The following DCTN4 variants were observed in gnomAD, a reference collection of about 807,000 sequenced individuals.
The protein encoded by DCTN4 is dynactin subunit 4.
Under a neutral mutation model 62.7 loss-of-function variants are expected in DCTN4, and 23 were observed. That is an observed-to-expected ratio of 0.37 (90% confidence interval 0.26 to 0.52). The LOEUF is 0.52. DCTN4 is among the 20% of genes least tolerant of loss of function. The pLI, the probability that DCTN4 is intolerant of heterozygous loss-of-function variation, is 0.92. For missense variants in DCTN4, 514 were observed against 580.4 expected, an observed-to-expected ratio of 0.89 and a Z score of 1.18; for synonymous variants, 199 against 202.1, an observed-to-expected ratio of 0.98 and a Z score of 0.13.
intron 1 of DCTN4, chr5:150,758,207 G>A (rs1752933310): frequency 2.0e-6 from 2 of 985,548 alleles, no homozygotes; most frequent in Non-Finnish European, 2.4e-6. Flanking sequence ...TTTACTGGCC[G>A]GGGTCTTCTT....
chr5:150,758,689 C>CTT, intron 1 of DCTN4, 170 bp downstream of exon 1: 1 of 1,318,296 alleles, frequency 7.6e-7, no homozygotes, highest in Non-Finnish European at 1.0e-6. Flanking sequence ...GCTGCTCCTC[C>CTT]TTTCCAAGTG....
intron 8 of DCTN4, among the ~76,000 whole-genome samples, chr5:150,724,629 C>T (rs1760072626): frequency 6.6e-6 from 1 of 152,072 alleles, no homozygotes; most frequent in South Asian, 2.1e-4. Context: ...AGGTAGCAAC[C>T]CAATTTTATT....
At position 150,756,481 on chromosome 5, in the gene DCTN4, A is replaced by G; in HGVS notation, c.142T>C (p.Ser48Pro). The change falls in exon 2 of 13, where the codon TCC becomes CCC. Residue 48 changes from serine to proline, a missense_variant. Ser to Pro is a moderately conservative substitution (Grantham distance 74, BLOSUM62 -1). Transcript: ENST00000447998. ...SLECVSHEVD[S>P]HYCPSCLENM... Reference sequence around the variant, plus strand: ...TCTAAACAACTGGGACAATAATGGGAGTCCACCTAGGAGGAAACAAGAAAG... The same window carrying G: ...TCTAAACAACTGGGACAATAATGGGGGTCCACCTAGGAGGAAACAAGAAAG... 4 of 1,597,088 alleles carry G rather than the reference A, an allele frequency of 2.5e-6. No homozygotes were observed. The highest frequency in any genetic ancestry group is 3.4e-6 in the Non-Finnish European group (4 of 1,172,072).
At chr5:150,744,415 A>G (rs1487514449) in intron 3 of DCTN4, among the ~76,000 whole-genome samples, 2 of 151,926 alleles carry the variant, frequency 1.3e-5, no homozygotes, top group African/African-American at 2.4e-5. Flanking sequence ...GCAGGCCAAC[A>G]TTCAGATTCA....
intron 12 of DCTN4, among the ~76,000 whole-genome samples, chr5:150,712,284 C>T (rs897371200): frequency 2.6e-5 from 4 of 152,116 alleles, no homozygotes; most frequent in African/African-American, 9.7e-5. Context: ...TGCACACCAT[C>T]ACGCCCAGCT....
intron 11 of DCTN4, among the ~76,000 whole-genome samples, chr5:150,716,991 G>A (rs1445659613): frequency 6.7e-6 from 1 of 149,324 alleles, no homozygotes; most frequent in Non-Finnish European, 1.5e-5. Context: ...GCTAGTAAGT[G>A]AAATCATTAA....
intron 4 of DCTN4, among the ~76,000 whole-genome samples, chr5:150,738,288 C>T (rs772687261): frequency 3.3e-5 from 5 of 152,066 alleles, no homozygotes; most frequent in African/African-American, 7.2e-5. Flanking sequence ...GCCCTTATAC[C>T]GAAACCAGGA....
At chr5:150,711,398 A>T (rs748020286) in intron 12 of DCTN4, 36 bp from the exon 13 acceptor site, 3 of 1,558,700 alleles carry the variant, frequency 1.9e-6, no homozygotes, top group Non-Finnish European at 1.8e-6. Context: ...TTAGGTAGAT[A>T]AAAAAATCAG....
At chr5:150,750,000 A>T (rs1752615546) in intron 3 of DCTN4, among the ~76,000 whole-genome samples, 1 of 152,228 alleles carries the variant, frequency 6.6e-6, no homozygotes, top group Non-Finnish European at 1.5e-5. Context: ...TAAGACTCCA[A>T]TTACATACAC....
At position 150,753,494 on chromosome 5, in the gene DCTN4, C is replaced by T. The variant is rs769695918; in HGVS notation, c.370G>A (p.Ala124Thr). ...TCTCACTCACCTACAGATTTGTCTG[C>T]CATGCCCACATCTCTAGACGTCCAG... The part of the protein sequence containing the change: ...CRWTSRDVGM[A>T]DKSVASGGWQ... The change falls in exon 3 of 13, where the codon GCA becomes ACA. Residue 124 changes from alanine to threonine, a missense_variant. By Grantham distance (58) the Ala-to-Thr change is moderately conservative. Transcript: ENST00000447998. 1 of 1,613,908 alleles carries T rather than the reference C, an allele frequency of 6.2e-7. No homozygotes were observed.
At chr5:150,730,877 A>G in intron 7 of DCTN4, 137 bp from the exon 8 acceptor site, 2 of 861,308 alleles carry the variant, frequency 2.3e-6, no homozygotes, top group Non-Finnish European at 1.8e-6. Flanking sequence ...GAAAGTTGAC[A>G]TTTTAGATTT....
chr5:150,725,945 C>T (rs1214714640), intron 8 of DCTN4, among the ~76,000 whole-genome samples: 1 of 151,936 alleles, frequency 6.6e-6, no homozygotes, highest in African/African-American at 2.4e-5. Context: ...TCTTGTTGCC[C>T]AGGCCGGAGT....
intron 3 of DCTN4, among the ~76,000 whole-genome samples, chr5:150,748,057 G>T (rs11954561): frequency 0.14 from 21,338 of 149,502 alleles, 2,760 homozygotes; most frequent in African/African-American, 0.35. Flanking sequence ...AAAGGGCTAA[G>T]ATCCAGAATC....
intron 6 of DCTN4, 82 bp downstream of exon 6, chr5:150,731,334 T>C (rs1034639827): frequency 5.0e-6 from 6 of 1,189,910 alleles, no homozygotes; most frequent in Non-Finnish European, 7.5e-6. Context: ...ACTGTGTGTG[T>C]GTGTGTGTTT....
At chr5:150,758,646 T>C in intron 1 of DCTN4, 1 of 1,261,682 alleles carries the variant, frequency 7.9e-7, no homozygotes, top group South Asian at 1.6e-5. Flanking sequence ...GAGGCCGCTC[T>C]AGAACCAGAA....
At chr5:150,725,249 C>A (rs1396717681) in intron 8 of DCTN4, among the ~76,000 whole-genome samples, 1 of 150,798 alleles carries the variant, frequency 6.6e-6, no homozygotes, top group East Asian at 1.9e-4. Flanking sequence ...ATAATCTCTG[C>A]ATATTTTGGT....
At chr5:150,719,861 T>TTATGTACTG in intron 9 of DCTN4, 91 bp from the exon 10 acceptor site, 1 of 757,444 alleles carries the variant, frequency 1.3e-6, no homozygotes, top group Non-Finnish European at 2.1e-6. Flanking sequence ...ATAAAGGATT[T>TTATGTACTG]CATGTTAATT....
chr5:150,757,928 ACT>A (rs1273292341), intron 1 of DCTN4: 1 of 256,362 alleles, frequency 3.9e-6, no homozygotes, highest in African/African-American at 2.3e-5. Flanking sequence ...TACAGCGAAC[ACT>A]CTGTATCTGT....
intron 9 of DCTN4, among the ~76,000 whole-genome samples, chr5:150,720,646 T>C (rs1366184920): frequency 6.6e-6 from 1 of 152,068 alleles, no homozygotes; most frequent in Non-Finnish European, 1.5e-5. Context: ...GCTCAGCTAA[T>C]TTTTGATTTT....
Sources: allele counts gnomAD v4.1 joint callset (sites outside exome capture counted in the v4.1 genomes callset), GRCh38; gene constraint gnomAD v4.1.1; transcripts MANE v1.5; gene names NCBI Gene and HGNC (gene_info 2026-07-23, HGNC 2026-07-21).